Variants in AOPEP observed in about 807,000 individuals in gnomAD.
AOPEP encodes the protein aminopeptidase O.
In AOPEP, 77 loss-of-function variants were observed where a neutral mutation model predicts 98.1. The observed-to-expected ratio is 0.78, with a 90% CI of 0.65 to 0.95. The LOEUF (loss-of-function observed/expected upper bound fraction) is 0.95. AOPEP is among the 40% of genes least tolerant of loss of function. The probability of loss-of-function intolerance (pLI) is 0.00; values close to 1 mark genes in which losing one functional copy is unlikely to be tolerated. For synonymous variants in AOPEP, 346 were observed against 365.3 expected, an observed-to-expected ratio of 0.95 and a Z score of 0.60; for missense variants, 1,024 against 1,024.7, an observed-to-expected ratio of 1.00 and a Z score of 0.01.
intron 10 of AOPEP, among the ~76,000 whole-genome samples, chr9:94,976,931 C>T (rs1470015042): frequency 6.6e-6 from 1 of 152,166 alleles, no homozygotes; most frequent in Non-Finnish European, 1.5e-5. Context: ...CCTCCCAAAG[C>T]ACTGGAATTA....
At chr9:95,043,811 C>T (rs2065579934) in intron 13 of AOPEP, among the ~76,000 whole-genome samples, 1 of 152,186 alleles carries the variant, frequency 6.6e-6, no homozygotes. Context: ...ACTACAGGCG[C>T]ATGCCACCAT....
chr9:94,752,995 A>C (rs1014615402), intron 1 of AOPEP, among the ~76,000 whole-genome samples: 2 of 152,224 alleles, frequency 1.3e-5, no homozygotes, highest in East Asian at 1.9e-4. Context: ...TTATTTAAAT[A>C]AACTTATTTA....
chr9:95,061,007 G>C (rs185611436), intron 14 of AOPEP, 197 bp downstream of exon 14: 1 of 486,354 alleles, frequency 2.1e-6, no homozygotes, highest in East Asian at 3.3e-5. Flanking sequence ...GAGGTCTTAA[G>C]TTTTTCCCTC....
the AOPEP span, among the ~76,000 whole-genome samples, chr9:95,127,594 G>A: frequency 3.3e-5 from 5 of 152,228 alleles, no homozygotes; most frequent in Admixed American, 6.5e-5. Context: ...CGCCCAGGGG[G>A]CGGGGACCCC....
At chr9:95,140,229 T>C in the AOPEP span, among the ~76,000 whole-genome samples, 9 of 152,068 alleles carry the variant, frequency 5.9e-5, no homozygotes, top group Non-Finnish European at 1.0e-4. Context: ...CACCTAGAAA[T>C]CTGATTTACA....
intron 1 of AOPEP, among the ~76,000 whole-genome samples, chr9:94,731,354 A>G (rs1830486897): frequency 1.3e-5 from 2 of 151,712 alleles, no homozygotes; most frequent in African/African-American, 4.8e-5. Context: ...CAGCCTCCCG[A>G]GTAGCTGGGA....
At chr9:94,897,892 T>G (rs1460409700) in intron 5 of AOPEP, among the ~76,000 whole-genome samples, 1 of 148,064 alleles carries the variant, frequency 6.8e-6, no homozygotes, top group African/African-American at 2.5e-5. Flanking sequence ...CAGGCTGGAA[T>G]GCAATAGCAC....
At chr9:95,021,708 G>A (rs41316528) in intron 13 of AOPEP, 575 of 152,472 alleles carry the variant, frequency 3.8e-3, no homozygotes, top group Non-Finnish European at 7.1e-3. Context: ...CCTGCTGTGT[G>A]ACCACAGTCT....
intron 11 of AOPEP, among the ~76,000 whole-genome samples, chr9:94,989,664 T>G (rs562514398): frequency 6.8e-6 from 1 of 148,032 alleles, no homozygotes; most frequent in African/African-American, 2.5e-5. Context: ...CAGGCTGGAG[T>G]GCAGTGGCGT....
chr9:95,018,183 A>C (rs1280770697), intron 13 of AOPEP, among the ~76,000 whole-genome samples: 3 of 152,122 alleles, frequency 2.0e-5, no homozygotes, highest in African/African-American at 7.2e-5. Context: ...TGGCAGGTAT[A>C]TGTTTAACTT....
At chr9:94,965,396 A>G (rs2138277203) in intron 9 of AOPEP, among the ~76,000 whole-genome samples, 1 of 152,374 alleles carries the variant, frequency 6.6e-6, no homozygotes, top group East Asian at 1.9e-4. Context: ...TAATGCTTTT[A>G]ATAGGGAGAC....
chr9:94,862,152 A>G (rs983918147), intron 5 of AOPEP, among the ~76,000 whole-genome samples: 2 of 152,198 alleles, frequency 1.3e-5, no homozygotes, highest in African/African-American at 4.8e-5. Flanking sequence ...GTTTAACTTG[A>G]AACACCTCAT....
At chr9:94,895,684 G>A (rs917545029) in intron 5 of AOPEP, among the ~76,000 whole-genome samples, 1 of 152,048 alleles carries the variant, frequency 6.6e-6, no homozygotes, top group Non-Finnish European at 1.5e-5. Context: ...CGCCTCCTGG[G>A]TTCAAGCAGT....
intron 14 of AOPEP, among the ~76,000 whole-genome samples, chr9:95,075,652 G>A (rs188482093): frequency 6.6e-6 from 1 of 152,294 alleles, no homozygotes; most frequent in African/African-American, 2.4e-5. Flanking sequence ...AGCTTAAGGT[G>A]GGAAGATGGC....
rs547793735 is a variant in AOPEP, at chr9:94,816,401, G to A, written c.1364+15399G>A. ...GTGAGAGTGAGAGAGCCTGAAATTC[G>A]TCCTGAATTTAGTTGGGTCCTCTAA... On this transcript the variant is annotated intron_variant, in intron 5 of 16. Transcript: ENST00000375315. 5.6e-3 allele frequency among the ~76,000 whole-genome samples: 6 copies of A among 1,070 alleles called. No individual in the cohort carries two copies. The East Asian group carries it at 0.3, about 53-fold the overall frequency. The allele number at this position is 1,070 out of a possible 152,430, so 0.7% of individuals were successfully genotyped here.
Position 94,974,620 on chromosome 9 carries a change from G to A in AOPEP, c.1917-4747G>A, listed in dbSNP as rs139476795. On this transcript the variant is annotated intron_variant, in intron 10 of 16. Coordinates refer to ENST00000375315, the MANE Select transcript of AOPEP (RefSeq NM_001193329.3). ...GATCTCTTCAGAAATGTAACCGAAG[G>A]GTTGACAAACAGGGCAACCACGCAG... 2.7e-3 allele frequency among the ~76,000 whole-genome samples: 412 copies of A among 152,256 alleles called. 3 individuals are homozygous for A. The highest frequency in any genetic ancestry group is 6.8e-3 in the Middle Eastern group (2 of 294).
At chr9:95,036,134 C>T (rs565317151) in intron 13 of AOPEP, among the ~76,000 whole-genome samples, 5 of 152,232 alleles carry the variant, frequency 3.3e-5, no homozygotes, top group African/African-American at 1.2e-4. Flanking sequence ...TTTAAAGGTT[C>T]CTTTGTGAGG....
chr9:94,751,299 C>T (rs1211151762), intron 1 of AOPEP, among the ~76,000 whole-genome samples: 1 of 152,062 alleles, frequency 6.6e-6, no homozygotes, highest in Non-Finnish European at 1.5e-5. Flanking sequence ...ATTAGTCTGC[C>T]AGAAGGTACT....
intron 7 of AOPEP, among the ~76,000 whole-genome samples, chr9:94,936,482 C>T (rs1237572936): frequency 6.6e-6 from 1 of 152,152 alleles, no homozygotes; most frequent in Non-Finnish European, 1.5e-5. Context: ...TCTTCTGAGC[C>T]CTCACTCCTT....
Sources: allele counts gnomAD v4.1 joint callset (sites outside exome capture counted in the v4.1 genomes callset), GRCh38; gene constraint gnomAD v4.1.1; transcripts MANE v1.5; gene names NCBI Gene and HGNC (gene_info 2026-07-23, HGNC 2026-07-21).